TANC2: variants seen among roughly 807,000 people sequenced by gnomAD.
The protein encoded by TANC2 is tetratricopeptide repeat, ankyrin repeat and coiled-coil containing 2.
A neutral mutation model predicts 210.5 loss-of-function variants in TANC2; 26 were observed. That is an observed-to-expected ratio of 0.12 (90% CI 0.09 to 0.17). TANC2 has a LOEUF of 0.17. Among genes scored for constraint, TANC2 ranks in the 10% least tolerant of loss-of-function variants. TANC2 has a pLI of 1.00. For synonymous variants in TANC2, 931 were observed against 967.1 expected (o/e 0.96, Z 0.69); for missense variants, 2,129 against 2,608.9 (o/e 0.82, Z 4.01).
chr17:63,000,036 G>A (rs1298605592), intron 1 of TANC2, among the ~76,000 whole-genome samples: 5 of 152,246 alleles, frequency 3.3e-5, no homozygotes, highest in East Asian at 3.9e-4. Flanking sequence ...CACTGAGCAC[G>A]CATGGACACA....
At chr17:62,990,855 A>G (rs187131686) in intron 1 of TANC2, among the ~76,000 whole-genome samples, 54 of 152,224 alleles carry the variant, frequency 3.5e-4, no homozygotes, top group Admixed American at 2.2e-3. Flanking sequence ...TTTTTATGGC[A>G]TGTATTTTTC....
intron 5 of TANC2, among the ~76,000 whole-genome samples, chr17:63,165,850 A>G (rs116016949): frequency 6.6e-6 from 1 of 152,330 alleles, no homozygotes; most frequent in African/African-American, 2.4e-5. Context: ...TCTTTACCAT[A>G]TTTTGTATGT....
chr17:63,068,078 C>T (rs1007448918), intron 2 of TANC2, among the ~76,000 whole-genome samples: 3 of 152,054 alleles, frequency 2.0e-5, no homozygotes, highest in African/African-American at 7.2e-5. Flanking sequence ...AGAGAAATAA[C>T]ACATTACCTA....
intron 14 of TANC2, among the ~76,000 whole-genome samples, chr17:63,370,060 C>T (rs2047220451): frequency 6.6e-6 from 1 of 152,144 alleles, no homozygotes; most frequent in Non-Finnish European, 1.5e-5. Flanking sequence ...TGCTATAAAC[C>T]TCATAACTGA....
chr17:63,177,337 A>G (rs1343343666), intron 5 of TANC2, among the ~76,000 whole-genome samples: 1 of 151,574 alleles, frequency 6.6e-6, no homozygotes, highest in Admixed American at 6.6e-5. Context: ...ATTATTTGCC[A>G]ATTATAGTTT....
chr17:63,401,158 TATTGA>T (rs1460854782), intron 19 of TANC2, among the ~76,000 whole-genome samples: 3 of 152,204 alleles, frequency 2.0e-5, no homozygotes, highest in South Asian at 4.1e-4. Flanking sequence ...TATAATGACC[TATTGA>T]ATTATGATGC....
chr17:63,287,137 T>A (rs1321413984), intron 9 of TANC2, among the ~76,000 whole-genome samples: 1 of 152,166 alleles, frequency 6.6e-6, no homozygotes, highest in African/African-American at 2.4e-5. Flanking sequence ...TTTGCTATGT[T>A]GGCCAGGCTG....
chr17:63,238,106 G>GTTC, intron 8 of TANC2, 29 bp downstream of exon 8: 1 of 1,507,624 alleles, frequency 6.6e-7, no homozygotes. Flanking sequence ...TGTTGTTGTT[G>GTTC]CTGTTGTTAA....
At chr17:63,059,404 A>G (rs767790067) in intron 2 of TANC2, among the ~76,000 whole-genome samples, 3 of 152,168 alleles carry the variant, frequency 2.0e-5, no homozygotes, top group Non-Finnish European at 2.9e-5. Flanking sequence ...TTGTGTTCCT[A>G]TCATCACTTG....
chr17:63,355,564 A>G lies in TANC2; in HGVS notation c.2582+174A>G, dbSNP rs117401935. 2.2e-4 allele frequency among the ~76,000 whole-genome samples: 34 copies of G among 152,314 alleles called. No individual in the cohort carries two copies. In the East Asian group the frequency reaches 6.4e-3, roughly 28 times the overall value. On this transcript the variant is annotated intron_variant, in intron 14 of 27. Coordinates refer to ENST00000689528, the Ensembl canonical transcript of TANC2. ...AGGTTAACTAATTTATTGTTTTACA[A>G]TGTTATTTCCTTAAGACTCAACATC...
chr17:63,304,965 G>C (rs898598429), intron 9 of TANC2, among the ~76,000 whole-genome samples: 2 of 152,234 alleles, frequency 1.3e-5, no homozygotes, highest in Non-Finnish European at 2.9e-5. Context: ...GAGCTATAGA[G>C]ATGGCTGCCG....
intron 2 of TANC2, among the ~76,000 whole-genome samples, chr17:63,046,325 CTTTTTT>C (rs57550590): frequency 2.9e-4 from 13 of 44,136 alleles, no homozygotes; most frequent in African/African-American, 1.5e-3. Context: ...ACACCCAGCT[CTTTTTT>C]TTTTTTTTTT....
Position 63,098,517 on chromosome 17 carries a change from A to G in TANC2, c.140-658A>G, listed in dbSNP as rs770115947. Reference sequence around the variant, plus strand: ...TCTCTCTCTCTCTCTCTCTGTGTGTATATATATATATATATATGTAAAAAT... The same window carrying G: ...TCTCTCTCTCTCTCTCTCTGTGTGTGTATATATATATATATATGTAAAAAT... On this transcript the variant is annotated intron_variant, in intron 3 of 27. Coordinates refer to ENST00000689528, the Ensembl canonical transcript of TANC2. Among the ~76,000 whole-genome samples the G allele has an allele frequency of 6.8e-3, 872 of 127,768 alleles. 32 individuals are homozygous for G. The highest frequency in any genetic ancestry group is 0.019 in the African/African-American group (633 of 33,266). The allele number at this position is 127,768 out of a possible 152,430, so 83.8% of individuals were successfully genotyped here.
chr17:63,266,829 A>G (rs983367277), intron 8 of TANC2, among the ~76,000 whole-genome samples: 6 of 151,664 alleles, frequency 4.0e-5, no homozygotes, highest in Admixed American at 1.3e-4. Context: ...GGTAGCTAAT[A>G]TTTTCTTCCT....
chr17:63,194,757 T>A (rs1389698235), intron 6 of TANC2, among the ~76,000 whole-genome samples: 1 of 152,172 alleles, frequency 6.6e-6, no homozygotes, highest in South Asian at 2.1e-4. Context: ...TACTTAGAAG[T>A]GTATTACTCA....
At chr17:63,004,897 G>T in intron 1 of TANC2, 2 of 308,602 alleles carry the variant, frequency 6.5e-6, no homozygotes, top group South Asian at 3.1e-5. Context: ...TTTTCTCTGT[G>T]GTTTATCCTT....
At chr17:63,245,634 A>G (rs2042894124) in intron 8 of TANC2, among the ~76,000 whole-genome samples, 1 of 152,016 alleles carries the variant, frequency 6.6e-6, no homozygotes, top group Non-Finnish European at 1.5e-5. Flanking sequence ...CGAGGTCAGG[A>G]GTTCAAGACC....
At chr17:63,376,010 G>A (rs1385709293) in intron 14 of TANC2, among the ~76,000 whole-genome samples, 1 of 151,834 alleles carries the variant, frequency 6.6e-6, no homozygotes, top group African/African-American at 2.4e-5. Context: ...TTGCTTGAAC[G>A]TGGGAAGTGG....
chr17:63,039,686 A>C (rs1275283577), intron 2 of TANC2, among the ~76,000 whole-genome samples: 1 of 152,180 alleles, frequency 6.6e-6, no homozygotes, highest in Non-Finnish European at 1.5e-5. Flanking sequence ...AACAGGAGAG[A>C]AAATTGTTAA....
Sources: gnomAD v4.1 joint callset for allele counts (sites outside exome capture counted in the v4.1 genomes callset) on GRCh38, gnomAD v4.1.1 for gene constraint, MANE v1.5 for transcripts, NCBI Gene and HGNC (gene_info 2026-07-23, HGNC 2026-07-21) for gene names.